EYS: variants seen among roughly 807,000 people sequenced by gnomAD.
EYS encodes the protein protein eyes shut homolog.
EYS carries 250 observed loss-of-function variants against 282.1 expected under a neutral mutation model. That is an observed-to-expected ratio of 0.89 (90% CI 0.80 to 0.98). The LOEUF (loss-of-function observed/expected upper bound fraction) is 0.98, where lower values mean the gene tolerates loss of function less well. Among genes scored for constraint, EYS ranks in the 50% least tolerant of loss-of-function variants. The pLI is 0.00. For missense variants in EYS, 4,016 were observed against 3,709.0 expected (o/e 1.08, Z -2.15); for synonymous variants, 1,355 against 1,282.9 (o/e 1.06, Z -1.20).
chr6:64,775,469 G>A (rs1019430450), intron 22 of EYS, among the ~76,000 whole-genome samples: 1 of 151,934 alleles, frequency 6.6e-6, no homozygotes, highest in East Asian at 1.9e-4. Flanking sequence ...GAGCTTCATT[G>A]TTCTCTTTTA....
At chr6:64,664,422 A>C (rs904993076) in intron 22 of EYS, among the ~76,000 whole-genome samples, 1 of 152,158 alleles carries the variant, frequency 6.6e-6, no homozygotes, top group Non-Finnish European at 1.5e-5. Flanking sequence ...CTTCCCAGCA[A>C]GGCTTAGGAA....
intron 5 of EYS, among the ~76,000 whole-genome samples, chr6:65,441,761 A>G (rs953187336): frequency 1.1e-4 from 17 of 152,224 alleles, no homozygotes; most frequent in African/African-American, 3.6e-4. Context: ...CTAAATATAT[A>G]TCTACTTCAA....
At position 64,422,184 on chromosome 6, in the gene EYS, CT is replaced by C. The variant is rs201157254; in HGVS notation, c.5927+13989del. Among the ~76,000 whole-genome samples the C allele has an allele frequency of 5.3e-5, 8 of 151,442 alleles. No homozygotes were observed. The South Asian group carries it at 8.4e-4, about 16-fold the overall frequency. ...GACAGATAGATGACAGACAGATAGA[CT>C]TTTTTTTTCTAATAAAGACATTTAA... is the stretch of plus-strand genomic sequence containing the variant. On this transcript the variant is annotated intron_variant, in intron 28 of 42. Transcript: ENST00000503581.
chr6:64,370,925 A>G (rs1055752919), intron 29 of EYS, among the ~76,000 whole-genome samples: 1 of 152,078 alleles, frequency 6.6e-6, no homozygotes, highest in Non-Finnish European at 1.5e-5. Context: ...TCATTAGTCT[A>G]GCTAGCAGTC....
chr6:64,997,802 C>A (rs1771321640), intron 13 of EYS, 99 bp from the exon 14 acceptor site: 1 of 1,043,358 alleles, frequency 9.6e-7, no homozygotes, highest in Non-Finnish European at 1.3e-6. Flanking sequence ...ATGTAGTTCA[C>A]TTTTAACCAA....
chr6:65,283,797 T>C (rs1349569127), intron 12 of EYS, among the ~76,000 whole-genome samples: 2 of 152,090 alleles, frequency 1.3e-5, no homozygotes, highest in Non-Finnish European at 2.9e-5. Flanking sequence ...CTTTTCAGTG[T>C]CAATATTAGT....
At chr6:65,224,442 T>A (rs1002545226) in intron 12 of EYS, among the ~76,000 whole-genome samples, 1 of 152,052 alleles carries the variant, frequency 6.6e-6, no homozygotes, top group Non-Finnish European at 1.5e-5. Flanking sequence ...TATCAATAAG[T>A]ACCTACATTA....
intron 2 of EYS, among the ~76,000 whole-genome samples, chr6:65,537,611 T>G (rs1258407301): frequency 6.6e-6 from 1 of 152,112 alleles, no homozygotes; most frequent in Non-Finnish European, 1.5e-5. Context: ...TACTATTAGT[T>G]GGAAAATCAA....
chr6:64,349,323 T>A (rs651690), intron 29 of EYS, among the ~76,000 whole-genome samples: 108,278 of 150,890 alleles, frequency 0.72, 39,052 homozygotes, highest in African/African-American at 0.79. Context: ...TTTAGAGATA[T>A]AAGCTCTGAG....
At chr6:65,395,124 C>T (rs761786009) in intron 7 of EYS, among the ~76,000 whole-genome samples, 137 of 152,302 alleles carry the variant, frequency 9.0e-4, no homozygotes, top group South Asian at 1.9e-3. Flanking sequence ...AGTGCAATGG[C>T]GCGATCTTAG....
At chr6:64,329,352 C>T (rs1770553730) in intron 29 of EYS, among the ~76,000 whole-genome samples, 1 of 152,062 alleles carries the variant, frequency 6.6e-6, no homozygotes, top group South Asian at 2.1e-4. Context: ...CCAGAAATTG[C>T]AAGCACAAAT....
chr6:65,349,828 A>G (rs571851600), intron 9 of EYS, among the ~76,000 whole-genome samples: 25 of 151,520 alleles, frequency 1.6e-4, no homozygotes, highest in Non-Finnish European at 3.1e-4. Flanking sequence ...AGTGTAATAT[A>G]TCTTTAGAAT....
chr6:65,322,097 T>C (rs9345607), intron 11 of EYS, among the ~76,000 whole-genome samples: 38,315 of 152,118 alleles, frequency 0.25, 5,785 homozygotes, highest in East Asian at 0.5. Context: ...GCTACACTTA[T>C]GCCAAGAAGG....
intron 29 of EYS, among the ~76,000 whole-genome samples, chr6:64,385,572 A>G (rs1408196987): frequency 6.6e-6 from 1 of 152,144 alleles, no homozygotes; most frequent in Non-Finnish European, 1.5e-5. Flanking sequence ...TAGTGAGATA[A>G]TCCTTTAGTA....
At chr6:63,749,549 T>A (rs1348885950) in intron 41 of EYS, among the ~76,000 whole-genome samples, 1 of 152,200 alleles carries the variant, frequency 6.6e-6, no homozygotes, top group Non-Finnish European at 1.5e-5. Context: ...GTTAATTTTC[T>A]GCCTTGATGA....
chr6:65,213,206 G>T (rs1766218039), intron 12 of EYS, among the ~76,000 whole-genome samples: 1 of 152,164 alleles, frequency 6.6e-6, no homozygotes, highest in African/African-American at 2.4e-5. Context: ...GCTGCTCATG[G>T]AAAAGTGGTT....
chr6:65,219,564 TA>T (rs1248739769), intron 12 of EYS, among the ~76,000 whole-genome samples: 2 of 151,736 alleles, frequency 1.3e-5, no homozygotes, highest in Non-Finnish European at 2.9e-5. Context: ...AGATTTACAA[TA>T]TTTTTTTCCT....
intron 29 of EYS, among the ~76,000 whole-genome samples, chr6:64,351,088 T>A (rs1028105629): frequency 6.6e-6 from 1 of 150,642 alleles, no homozygotes; most frequent in African/African-American, 2.4e-5. Context: ...TTTAATAAAT[T>A]ACCCAGCCTC....
intron 27 of EYS, among the ~76,000 whole-genome samples, chr6:64,437,552 C>A (rs943629897): frequency 3.3e-5 from 5 of 151,772 alleles, no homozygotes; most frequent in African/African-American, 1.2e-4. Flanking sequence ...TGAGACTTCA[C>A]ATGTGCTTTG....
Sources: gnomAD v4.1 joint callset for allele counts (sites outside exome capture counted in the v4.1 genomes callset) on GRCh38, gnomAD v4.1.1 for gene constraint, MANE v1.5 for transcripts, NCBI Gene and HGNC (gene_info 2026-07-23, HGNC 2026-07-21) for gene names.